Variants in CADPS observed in about 807,000 individuals in gnomAD.
CADPS encodes calcium dependent secretion activator, also known as calcium-dependent secretion activator 1.
Under a neutral mutation model 167.3 loss-of-function variants are expected in CADPS, and 57 were observed. That is an observed-to-expected ratio of 0.34 (90% confidence interval 0.28 to 0.42). CADPS has a LOEUF of 0.42. CADPS is among the 20% of genes least tolerant of loss of function. The pLI, the probability that CADPS is intolerant of heterozygous loss-of-function variation, is 1.00. For missense variants in CADPS, 1,414 were observed against 1,738.1 expected (o/e 0.81, Z 3.32); for synonymous variants, 676 against 635.3 (o/e 1.06, Z -0.96).
chr3:62,770,841 C>T (rs1195457036), intron 1 of CADPS, among the ~76,000 whole-genome samples: 1 of 152,198 alleles, frequency 6.6e-6, no homozygotes, highest in Admixed American at 6.5e-5. Flanking sequence ...ATTGCTCCCT[C>T]CAAAAGTGAC....
chr3:62,547,601 C>A (rs116514744), intron 11 of CADPS, among the ~76,000 whole-genome samples: 1 of 113,924 alleles, frequency 8.8e-6, no homozygotes, highest in African/African-American at 4.0e-5. Flanking sequence ...CCCCCCCCCG[C>A]AAATTCTAAC....
intron 14 of CADPS, among the ~76,000 whole-genome samples, chr3:62,517,110 C>T (rs1169806761): frequency 6.6e-6 from 1 of 152,072 alleles, no homozygotes; most frequent in Non-Finnish European, 1.5e-5. Context: ...TCCCTGCTTG[C>T]GGTTTCCTAT....
intron 6 of CADPS, among the ~76,000 whole-genome samples, chr3:62,604,565 A>C (rs1307075380): frequency 1.3e-5 from 2 of 152,214 alleles, no homozygotes; most frequent in African/African-American, 4.8e-5. Flanking sequence ...ACATTTTCCA[A>C]GGTTGGAGCT....
intron 1 of CADPS, among the ~76,000 whole-genome samples, chr3:62,852,613 A>T (rs1489357125): frequency 1.3e-5 from 2 of 152,048 alleles, no homozygotes; most frequent in Non-Finnish European, 2.9e-5. Flanking sequence ...AGAAAAAAAA[A>T]AAAGCTGGCC....
chr3:62,541,341 T>C (rs1282359103), intron 11 of CADPS, among the ~76,000 whole-genome samples: 1 of 152,136 alleles, frequency 6.6e-6, no homozygotes, highest in East Asian at 1.9e-4. Context: ...CTTGCAAACA[T>C]TGCTACCTGT....
chr3:62,594,047 C>A (rs1194107185), intron 6 of CADPS, among the ~76,000 whole-genome samples: 1 of 152,154 alleles, frequency 6.6e-6, no homozygotes, highest in African/African-American at 2.4e-5. Flanking sequence ...AGCATAGATA[C>A]AATTTCATTT....
chr3:62,574,099 T>G (rs750220343), intron 8 of CADPS, among the ~76,000 whole-genome samples: 71 of 152,170 alleles, frequency 4.7e-4, no homozygotes, highest in Non-Finnish European at 1.6e-4. Context: ...CCATCCCCAC[T>G]GCAACTCCCC....
chr3:62,611,825 G>C (rs1358509868), intron 6 of CADPS, among the ~76,000 whole-genome samples: 2 of 152,186 alleles, frequency 1.3e-5, no homozygotes, highest in African/African-American at 4.8e-5. Flanking sequence ...TACGCAGGAT[G>C]ATCTAGGAAG....
chr3:62,518,015 G>T, intron 14 of CADPS, 134 bp downstream of exon 14: 2 of 682,060 alleles, frequency 2.9e-6, no homozygotes, highest in Non-Finnish European at 2.6e-6. Flanking sequence ...TGATTGATTT[G>T]CTTGTTCTAC....
At chr3:62,686,621 T>A (rs1339832280) in intron 3 of CADPS, among the ~76,000 whole-genome samples, 1 of 152,018 alleles carries the variant, frequency 6.6e-6, no homozygotes, top group Non-Finnish European at 1.5e-5. Flanking sequence ...CCATATTTCA[T>A]AATAGCATGT....
At chr3:62,726,510 C>T (rs1339373723) in intron 3 of CADPS, among the ~76,000 whole-genome samples, 2 of 151,816 alleles carry the variant, frequency 1.3e-5, no homozygotes, top group Admixed American at 6.6e-5. Flanking sequence ...TATCTACCTC[C>T]TTCTGTCAGG....
chr3:62,691,755 C>T (rs1261957157), intron 3 of CADPS, among the ~76,000 whole-genome samples: 4 of 151,926 alleles, frequency 2.6e-5, no homozygotes, highest in Non-Finnish European at 5.9e-5. Context: ...CATAGCAGGG[C>T]AACACACACT....
In CADPS at chr3:62,401,619, T is replaced by C. The variant is rs147355578; in HGVS notation, c.3882+1462A>G. Reference sequence around the variant, plus strand: ...TTCTTGGTTTAAAGTTTGTGAATTCTGCTTCATAGCTCTGAGTTGTGGCAT... The same window carrying C: ...TTCTTGGTTTAAAGTTTGTGAATTCCGCTTCATAGCTCTGAGTTGTGGCAT... On this transcript the variant is annotated intron_variant, in intron 29 of 29. Coordinates refer to ENST00000383710, the MANE Select transcript of CADPS (RefSeq NM_003716.4). Among the ~76,000 whole-genome samples, 1,008 of 152,326 alleles carry C rather than the reference T, an allele frequency of 6.6e-3. 9 individuals carry two copies. The highest frequency in any genetic ancestry group is 0.023 in the African/African-American group (956 of 41,580).
intron 28 of CADPS, among the ~76,000 whole-genome samples, chr3:62,411,785 G>A (rs1280407306): frequency 6.6e-6 from 1 of 152,186 alleles, no homozygotes; most frequent in Admixed American, 6.5e-5. Flanking sequence ...CTAAAGGACG[G>A]CACGCAGTTC....
intron 12 of CADPS, among the ~76,000 whole-genome samples, chr3:62,534,807 TA>T (rs1442665421): frequency 6.6e-6 from 1 of 152,178 alleles, no homozygotes; most frequent in African/African-American, 2.4e-5. Context: ...AATTTTGGAA[TA>T]ATGACTAATA....
intron 6 of CADPS, among the ~76,000 whole-genome samples, chr3:62,620,266 G>A (rs6772352): frequency 0.28 from 41,785 of 151,900 alleles, 6,133 homozygotes; most frequent in East Asian, 0.51. Context: ...GACATTGACT[G>A]AGAGCCTATT....
intron 6 of CADPS, among the ~76,000 whole-genome samples, chr3:62,638,142 C>T (rs1216348741): frequency 1.3e-5 from 2 of 150,162 alleles, no homozygotes; most frequent in Non-Finnish European, 2.9e-5. Flanking sequence ...GAAATGGAGG[C>T]ACAAAGAGTT....
intron 20 of CADPS, among the ~76,000 whole-genome samples, 192 bp from the exon 21 acceptor site, chr3:62,491,672 G>T (rs943420424): frequency 6.6e-6 from 1 of 151,912 alleles, no homozygotes; most frequent in Admixed American, 6.6e-5. Flanking sequence ...AAAAAGCATT[G>T]AAATGGAATT....
Position 62,532,990 on chromosome 3 carries a change from A to G in CADPS, c.2172T>C (p.Cys724=), listed in dbSNP as rs779930935. The G allele has an allele frequency of 3.1e-6, 5 of 1,613,724 alleles. No homozygotes were observed. The Admixed American group carries it at 8.3e-5, about 27-fold the overall frequency. The stretch of plus-strand genomic sequence containing the variant: ...CTCTGAGGTAGCAGAGATGTCGGTG[A>G]CACCCCCGGACTCCATTTCGGGCGC... ...EYCARNGVRG[C]HRHLCYLRDL... Residue 724 remains cysteine (C), a synonymous_variant, in exon 13 of 30, where the codon TGT becomes TGC. Transcript: ENST00000383710.
Sources: gnomAD v4.1 joint callset for allele counts (sites outside exome capture counted in the v4.1 genomes callset) on GRCh38, gnomAD v4.1.1 for gene constraint, MANE v1.5 for transcripts, NCBI Gene and HGNC (gene_info 2026-07-23, HGNC 2026-07-21) for gene names.